TRIM2: variants seen among roughly 807,000 people sequenced by gnomAD.
The protein encoded by TRIM2 is tripartite motif containing 2, also known as tripartite motif-containing protein 2.
Under a neutral mutation model 75.2 loss-of-function variants are expected in TRIM2, and 20 were observed. The ratio of observed to expected loss-of-function variants is 0.27; its 90% CI spans 0.19 to 0.39. The LOEUF is 0.39. Among genes scored for constraint, TRIM2 ranks in the 10% least tolerant of loss-of-function variants. The pLI is 1.00. For synonymous variants in TRIM2, 373 were observed against 388.3 expected (o/e 0.96, Z 0.46); for missense variants, 660 against 990.8 (o/e 0.67, Z 4.48).
chr4:153,157,728 A>G (rs1372640101), intron 1 of TRIM2, among the ~76,000 whole-genome samples: 2 of 152,148 alleles, frequency 1.3e-5, no homozygotes, highest in Admixed American at 6.5e-5. Context: ...CAGGGGATGA[A>G]TAGTGGGGTG....
chr4:153,295,167 T>A lies in TRIM2; in HGVS notation c.787-146T>A. 8.7e-7 allele frequency: 1 copy of A among 1,144,718 alleles called. No individual in the cohort carries two copies. Among genetic ancestry groups the A allele is most frequent in the Non-Finnish European group, 1.2e-6 (1 of 838,706 alleles). The allele number at this position is 1,144,718 out of a possible 1,614,324, so 70.9% of individuals were successfully genotyped here. On this transcript the variant is annotated intron_variant, in intron 5 of 11. Transcript: ENST00000338700. The surrounding 1 kb of genome is among the most constrained non-coding windows in gnomAD (Gnocchi z 7.2). The stretch of plus-strand genomic sequence containing the variant: ...GCAGTTTAGGACTTTGCGTTAGCAC[T>A]GGGTTCCCTGGGTTGACAAACACCG...
intron 1 of TRIM2, among the ~76,000 whole-genome samples, chr4:153,246,015 A>G (rs1350764878): frequency 6.6e-6 from 1 of 152,170 alleles, no homozygotes; most frequent in Non-Finnish European, 1.5e-5. Flanking sequence ...TAACACTACA[A>G]TAAAATTGGG....
chr4:153,317,660 A>G (rs1489748273), intron 8 of TRIM2, among the ~76,000 whole-genome samples: 1 of 151,442 alleles, frequency 6.6e-6, no homozygotes, highest in South Asian at 2.1e-4. Flanking sequence ...AAAAAGAAAA[A>G]AAAAAAAAAA....
intron 8 of TRIM2, among the ~76,000 whole-genome samples, chr4:153,322,031 A>T (rs1769105019): frequency 1.3e-5 from 2 of 152,210 alleles, no homozygotes; most frequent in Admixed American, 1.3e-4. Context: ...ATCTTTCACC[A>T]GATCACACCG....
chr4:153,327,504 C>T (rs1299093484), intron 10 of TRIM2, among the ~76,000 whole-genome samples: 1 of 152,202 alleles, frequency 6.6e-6, no homozygotes, highest in African/African-American at 2.4e-5. Flanking sequence ...TTACATAATA[C>T]TTTCAGATTT....
intron 1 of TRIM2, among the ~76,000 whole-genome samples, chr4:153,238,615 T>A (rs1179645024): frequency 6.6e-6 from 1 of 152,214 alleles, no homozygotes; most frequent in Non-Finnish European, 1.5e-5. Flanking sequence ...TAACCCAGGA[T>A]TCTCTGGAGG....
intron 2 of TRIM2, among the ~76,000 whole-genome samples, chr4:153,274,851 C>T (rs998995537): frequency 6.6e-6 from 1 of 152,150 alleles, no homozygotes; most frequent in Non-Finnish European, 1.5e-5. Flanking sequence ...ATTCAGACGT[C>T]GTTAATGACC....
rs767352887 is a variant in TRIM2, at chr4:153,336,710, T to A, written c.*1744T>A. Reference sequence around the variant, plus strand: ...TAATTTATAATTCAGTCATTCTCTATATAGGACTTCTTAAAATTTAGAAGG... The same window carrying A: ...TAATTTATAATTCAGTCATTCTCTAAATAGGACTTCTTAAAATTTAGAAGG... On this transcript the variant is annotated 3_prime_UTR_variant, in exon 12 of 12. Coordinates refer to ENST00000338700, the MANE Select transcript of TRIM2 (RefSeq NM_015271.5). 27 of 984,984 alleles carry A rather than the reference T, an allele frequency of 2.7e-5. No homozygotes were observed. Among genetic ancestry groups the A allele is most frequent in the Non-Finnish European group, 3.1e-5 (26 of 829,224 alleles). 61.0% of individuals were successfully genotyped at this position (984,984 alleles called of 1,614,324 possible).
chr4:153,324,108 AT>A lies in TRIM2; in HGVS notation c.1983del (p.Asn661LysfsTer24). The A allele has an allele frequency of 6.2e-7, 1 of 1,612,748 alleles. No homozygotes were observed. ...CATTTTGCAGCTGTAAATAGCAATA[AT>A]GAGATTATTATTACAGATTTCCATA... ...GPHFAAVNSN[N>X]EIIITDFHNH... On this transcript the variant is annotated frameshift_variant, in exon 10 of 12. Coordinates refer to ENST00000338700, the MANE Select transcript of TRIM2 (RefSeq NM_015271.5). LOFTEE classifies it high-confidence loss of function.
intron 1 of TRIM2, among the ~76,000 whole-genome samples, chr4:153,197,523 T>C (rs1335391556): frequency 1.3e-5 from 2 of 151,766 alleles, no homozygotes; most frequent in Non-Finnish European, 2.9e-5. Flanking sequence ...TCTTAGGAGG[T>C]GGGGCGTTTG....
chr4:153,267,638 G>A (rs1463144711), intron 1 of TRIM2, among the ~76,000 whole-genome samples: 4 of 152,142 alleles, frequency 2.6e-5, no homozygotes, highest in South Asian at 2.1e-4. Context: ...GTGACAAAGC[G>A]AGACTCCATC....
chr4:153,201,913 G>A (rs1241877241), upstream of TRIM2, among the ~76,000 whole-genome samples: 1 of 152,094 alleles, frequency 6.6e-6, no homozygotes, highest in African/African-American at 2.4e-5. Flanking sequence ...ACACACCTTA[G>A]AAGAAAACTA....
chr4:153,210,066 T>TA (rs1380512058), intron 1 of TRIM2, among the ~76,000 whole-genome samples: 5 of 145,680 alleles, frequency 3.4e-5, no homozygotes, highest in Non-Finnish European at 7.5e-5. Context: ...TAATTTTTTT[T>TA]TTTTTTTTTT....
intron 1 of TRIM2, among the ~76,000 whole-genome samples, chr4:153,207,755 G>A (rs1446028871): frequency 6.6e-6 from 1 of 152,196 alleles, no homozygotes; most frequent in East Asian, 1.9e-4. Flanking sequence ...TCCGGGACTG[G>A]CCAGCAGGTG....
Position 153,193,127 on chromosome 4 carries a change from CTTTTTTTTTTTTTT to C in TRIM2, c.-49+39866_-49+39879del, listed in dbSNP as rs141233060. Among the ~76,000 whole-genome samples the C allele has an allele frequency of 5.6e-5, 6 of 106,700 alleles. No homozygotes were observed. In the South Asian group the frequency reaches 1.9e-3, roughly 34 times the overall value. The allele number at this position is 106,700 out of a possible 152,430, so 70.0% of individuals were successfully genotyped here. On this transcript the variant is annotated intron_variant, in intron 1 of 11. Transcript: ENST00000437508. ...CACAGAGGGACCCTTAGTGAATAAT[CTTTTTTTTTTTTTT>C]TTTTTTTTGAGGCAGAGTCTCACTC...
intron 1 of TRIM2, among the ~76,000 whole-genome samples, chr4:153,264,450 A>T (rs991850201): frequency 6.6e-6 from 1 of 152,202 alleles, no homozygotes; most frequent in Admixed American, 6.5e-5. Flanking sequence ...TCTCCAGCAT[A>T]TAGAAGAGCA....
chr4:153,294,306 C>A lies in TRIM2; in HGVS notation c.607C>A (p.Leu203Ile), dbSNP rs1560963577. 6.2e-7 allele frequency: 1 copy of A among 1,613,844 alleles called. No individual in the cohort carries two copies. The highest frequency in any genetic ancestry group is 8.5e-7 in the Non-Finnish European group (1 of 1,179,820). ...QVQLDAVNKR[L>I]PEIDSALQFI... ...CGACCTTTAACAACTGTCCACCAGGCTCCCAGAAATAGATTCTGCTCTTCA... is the reference window on the plus strand; with the variant it reads ...CGACCTTTAACAACTGTCCACCAGGATCCCAGAAATAGATTCTGCTCTTCA... The change falls in exon 5 of 12, where the codon CTC becomes ATC. Residue 203 changes from leucine to isoleucine, a missense_variant and splice_region_variant. Coordinates refer to ENST00000338700, the MANE Select transcript of TRIM2 (RefSeq NM_015271.5).
chr4:153,246,751 G>T (rs888373189), intron 1 of TRIM2, among the ~76,000 whole-genome samples: 2 of 152,186 alleles, frequency 1.3e-5, no homozygotes, highest in African/African-American at 4.8e-5. Context: ...GTCATGGATG[G>T]CTCTGCTTGG....
At chr4:153,329,689 T>G (rs907779778) in intron 11 of TRIM2, among the ~76,000 whole-genome samples, 4 of 151,498 alleles carry the variant, frequency 2.6e-5, no homozygotes, top group Non-Finnish European at 5.9e-5. Context: ...TACAAAAAAT[T>G]TGCCAGGTGT....
Sources: gnomAD v4.1 joint callset for allele counts (sites outside exome capture counted in the v4.1 genomes callset) on GRCh38, gnomAD v4.1.1 for gene constraint, Gnocchi (gnomAD v3.1) non-coding constraint, MANE v1.5 for transcripts, NCBI Gene and HGNC (gene_info 2026-07-23, HGNC 2026-07-21) for gene names.